ECH1: variants seen among roughly 807,000 people sequenced by gnomAD.
The protein encoded by ECH1 is enoyl-CoA hydratase 1, also known as delta(3,5)-Delta(2,4)-dienoyl-CoA isomerase, mitochondrial.
In ECH1, 30 loss-of-function variants were observed where a neutral mutation model predicts 37.0. The observed-to-expected ratio is 0.81, with a 90% CI of 0.61 to 1.10. The LOEUF is 1.10. ECH1 is among the 50% of genes least tolerant of loss of function. The probability of loss-of-function intolerance (pLI) is 0.00; values close to 1 mark genes in which losing one functional copy is unlikely to be tolerated. For missense variants in ECH1, 456 were observed against 441.6 expected, an observed-to-expected ratio of 1.03 and a Z score of -0.29; for synonymous variants, 178 against 176.0, an observed-to-expected ratio of 1.01 and a Z score of -0.09.
intron 3 of ECH1, among the ~76,000 whole-genome samples, chr19:38,819,859 G>T (rs1161144377): frequency 6.6e-6 from 1 of 151,904 alleles, no homozygotes; most frequent in Non-Finnish European, 1.5e-5. Context: ...GGCTGAGGTG[G>T]GCGGATCGTT....
At chr19:38,822,578 A>C (rs1012192187) in intron 3 of ECH1, among the ~76,000 whole-genome samples, 9 of 152,064 alleles carry the variant, frequency 5.9e-5, no homozygotes, top group African/African-American at 2.2e-4. Flanking sequence ...AAGGTTTGTA[A>C]ATACACCAAT....
chr19:38,830,001 CA>C (rs1346563695), intron 3 of ECH1, among the ~76,000 whole-genome samples: 1 of 151,826 alleles, frequency 6.6e-6, no homozygotes, highest in African/African-American at 2.4e-5. Flanking sequence ...ACTAGAAACA[CA>C]AAAAATTAGC....
Position 38,816,004 on chromosome 19 carries a change from C to T in ECH1, c.735G>A (p.Arg245=). 2 of 1,612,986 alleles carry T rather than the reference C, an allele frequency of 1.2e-6. No individual in the cohort carries two copies. The highest frequency in any genetic ancestry group is 1.7e-6 in the Non-Finnish European group (2 of 1,179,986). ...GCATGACCTCTTTGTCTGGGAACACCCGGCTGCAGTGAAAGAGATCAGGGA... is the reference window on the plus strand; with the variant it reads ...GCATGACCTCTTTGTCTGGGAACACTCGGCTGCAGTGAAAGAGATCAGGGA... ...DEALGSGLVS[R]VFPDKEVMLD... The change falls in exon 9 of 10, where the codon CGG becomes CGA. Residue 245 remains arginine (R), a synonymous_variant. Transcript: ENST00000221418.
intron 1 of ECH1, 46 bp downstream of exon 1, chr19:38,831,675 C>T (rs1225296661): frequency 1.2e-6 from 2 of 1,611,082 alleles, no homozygotes; most frequent in Non-Finnish European, 1.7e-6. Context: ...TCTGCTATAA[C>T]AGCACGACAG....
chr19:38,815,826 G>A (rs1971565012), intron 9 of ECH1, 31 bp downstream of exon 9: 1 of 1,613,612 alleles, frequency 6.2e-7, no homozygotes, highest in Admixed American at 1.7e-5. Flanking sequence ...GGTTAGAGGA[G>A]GGCTGTGATT....
At chr19:38,824,843 A>G in intron 3 of ECH1, among the ~76,000 whole-genome samples, 1 of 152,164 alleles carries the variant, frequency 6.6e-6, no homozygotes, top group Non-Finnish European at 1.5e-5. Flanking sequence ...CCAGAAGGAA[A>G]TATGCAAAGA....
Position 38,831,071 on chromosome 19 carries a change from C to G in ECH1, c.349+7G>C. ...GGCTGGCAGGGTGTGTGAAGAGCGT[C>G]TGGTACCTGCAGTGAACATTTTTCC... On this transcript the variant is annotated splice_region_variant and intron_variant, in intron 3 of 9. Coordinates refer to ENST00000221418, the MANE Select transcript of ECH1 (RefSeq NM_001398.3). 2 of 1,613,848 alleles carry G rather than the reference C, an allele frequency of 1.2e-6. No homozygotes were observed. The highest frequency in any genetic ancestry group is 1.1e-5 in the South Asian group (1 of 91,076).
rs535472690 is a variant in ECH1, at chr19:38,817,082, C to A, written c.571G>T (p.Ala191Ser). 5.1e-6 allele frequency: 8 copies of A among 1,575,190 alleles called. No homozygotes were observed. Among genetic ancestry groups the A allele is most frequent in the African/African-American group, 4.1e-5 (3 of 73,818 alleles). The change falls in exon 6 of 10, where the codon GCT (alanine) becomes TCT (serine). Residue 191 changes from alanine to serine, a missense_variant. Physicochemically the swap from Ala to Ser is moderately conservative, Grantham distance 99. Coordinates refer to ENST00000221418, the MANE Select transcript of ECH1 (RefSeq NM_001398.3). ...TGACTCACCTTCACCTGGAAGAAAG[C>A]ATCCTGGGCACAGTACCGGATGTCA... is the stretch of plus-strand genomic sequence containing the variant. ...ACDIRYCAQD[A>S]FFQVKEVDVG... is the part of the protein sequence containing the mutation.
chr19:38,830,932 G>A, intron 3 of ECH1, 146 bp downstream of exon 3: 4 of 685,434 alleles, frequency 5.8e-6, no homozygotes, highest in South Asian at 3.8e-5. Flanking sequence ...CTCCAGCGTG[G>A]CAACAGAGCA....
chr19:38,829,254 C>CA, intron 3 of ECH1, among the ~76,000 whole-genome samples: 1 of 142,568 alleles, frequency 7.0e-6, no homozygotes, highest in South Asian at 2.2e-4. Flanking sequence ...CACTGTACTC[C>CA]AGCCTGGTCA....
At position 38,815,716 on chromosome 19, in the gene ECH1, G is replaced by A. The variant is rs868174591; in HGVS notation, c.884C>T (p.Ala295Val). ...CTGCAGCATGCTCATGTTCCAGGAC[G>A]CCTGGTACCGAGGGTGTTGAGAGAG... is the stretch of plus-strand genomic sequence containing the variant. ...HSVAESLNYV[A>V]SWNMSMLQTQ... The change falls in exon 10 of 10, where the codon GCG becomes GTG. Residue 295 changes from alanine to valine, a missense_variant and splice_region_variant. Coordinates refer to ENST00000221418, the MANE Select transcript of ECH1 (RefSeq NM_001398.3). The A allele has an allele frequency of 3.7e-6, 6 of 1,614,020 alleles. No homozygotes were observed. The African/African-American group carries it at 5.3e-5, about 14-fold the overall frequency.
rs745350629 is a variant in ECH1, at chr19:38,817,052, G to C, written c.588+13C>G. On this transcript the variant is annotated intron_variant, in intron 6 of 9. Coordinates refer to ENST00000221418, the MANE Select transcript of ECH1 (RefSeq NM_001398.3). ...TGCCCAGCTCTAAGCAGGAGCTCGGGAGGATGACTCACCTTCACCTGGAAG... is the reference window on the plus strand; with the variant it reads ...TGCCCAGCTCTAAGCAGGAGCTCGGCAGGATGACTCACCTTCACCTGGAAG... The C allele has an allele frequency of 3.2e-6, 5 of 1,564,098 alleles. No homozygotes were observed. The highest frequency in any genetic ancestry group is 4.3e-6 in the Non-Finnish European group (5 of 1,154,578).
rs1466494565 is a variant in ECH1, at chr19:38,830,759, C to A, written c.349+319G>T. ...GGAGGCTGAGGCAGGCAGATCATAACGTCAGGAGATGGAGACCATCCTGGC... is the reference window on the plus strand; with the variant it reads ...GGAGGCTGAGGCAGGCAGATCATAAAGTCAGGAGATGGAGACCATCCTGGC... On this transcript the variant is annotated intron_variant, in intron 3 of 9. Transcript: ENST00000221418. The A allele has an allele frequency of 1.3e-5, 4 of 317,280 alleles. No homozygotes were observed. In the Admixed American group the frequency reaches 1.4e-4, roughly 11 times the overall value. 19.7% of individuals were successfully genotyped at this position (317,280 alleles called of 1,614,324 possible). A position where few individuals can be genotyped will look rare whatever the true frequency, so the allele number is the denominator to read the frequency against.
rs762862638 is a variant in ECH1, at chr19:38,816,297, T to C, written c.718A>G (p.Ser240Gly). The C allele has an allele frequency of 6.2e-7, 1 of 1,613,356 alleles. No individual in the cohort carries two copies. Among genetic ancestry groups the C allele is most frequent in the Non-Finnish European group, 8.5e-7 (1 of 1,179,990 alleles). The change falls in exon 8 of 10, where the codon AGT becomes GGT. Residue 240 changes from serine to glycine, a missense_variant. Physicochemically the swap from Ser to Gly is moderately conservative, Grantham distance 56 (BLOSUM62 0). Transcript: ENST00000221418. The part of the protein sequence containing the change: ...RKMMADEALG[S>G]GLVSRVFPDK... ...CCATGGCCCTACCTGACCAGCCCAC[T>C]GCCCAGGGCCTCGTCAGCCATCATC...
rs1194992092 is a variant in ECH1, at chr19:38,815,855, A to C, written c.882+2T>G. 2 of 1,614,138 alleles carry C rather than the reference A, an allele frequency of 1.2e-6. No individual in the cohort carries two copies. The highest frequency in any genetic ancestry group is 1.7e-6 in the Non-Finnish European group (2 of 1,180,006). On this transcript the variant is annotated splice_donor_variant, in intron 9 of 9. Coordinates refer to ENST00000221418, the MANE Select transcript of ECH1 (RefSeq NM_001398.3). LOFTEE classifies it high-confidence loss of function. ...TGTGATTGGTCGGAGCGTGCACCTTACCACGTAGTTGAGGCTCTCGGCCAC... is the reference window on the plus strand; with the variant it reads ...TGTGATTGGTCGGAGCGTGCACCTTCCCACGTAGTTGAGGCTCTCGGCCAC...
intron 3 of ECH1, chr19:38,818,374 T>C (rs1003094021): frequency 5.1e-6 from 5 of 985,260 alleles, no homozygotes; most frequent in Non-Finnish European, 6.0e-6. Context: ...CATCAGTTGT[T>C]CTCCATGAGC....
intron 5 of ECH1, 41 bp from the exon 6 acceptor site, chr19:38,817,170 C>T: frequency 6.4e-7 from 1 of 1,554,356 alleles, no homozygotes; most frequent in Non-Finnish European, 8.7e-7. Flanking sequence ...ACCACCAGAA[C>T]CAACCCTGGC....
rs186866313 is a variant in ECH1, at chr19:38,815,515, A to G, written c.*98T>C. 4,180 of 1,158,940 alleles carry G rather than the reference A, an allele frequency of 3.6e-3. 13 individuals are homozygous for G. Among genetic ancestry groups the G allele is most frequent in the Non-Finnish European group, 4.7e-3 (3,664 of 784,782 alleles). 71.8% of individuals were successfully genotyped at this position (1,158,940 alleles called of 1,614,324 possible). A position where few individuals can be genotyped will look rare whatever the true frequency, so the allele number is the denominator to read the frequency against. On this transcript the variant is annotated 3_prime_UTR_variant, in exon 10 of 10. Transcript: ENST00000221418. The stretch of plus-strand genomic sequence containing the variant: ...AAGTTATAAACTGGGAAACTGGGTC[A>G]GAAGGCATAGAAACAACTGTCATCG...
At chr19:38,828,761 G>C (rs1012734532) in intron 3 of ECH1, among the ~76,000 whole-genome samples, 4 of 151,856 alleles carry the variant, frequency 2.6e-5, no homozygotes, top group Non-Finnish European at 5.9e-5. Flanking sequence ...GACTAAAGGT[G>C]CCCGCCACCA....
Sources: gnomAD v4.1 joint callset for allele counts (sites outside exome capture counted in the v4.1 genomes callset) on GRCh38, gnomAD v4.1.1 for gene constraint, MANE v1.5 for transcripts, NCBI Gene and HGNC (gene_info 2026-07-23, HGNC 2026-07-21) for gene names.